Variants in ADAMTSL1 observed in about 807,000 individuals in gnomAD.
ADAMTSL1 encodes ADAMTS-like protein 1.
A neutral mutation model predicts 201.8 loss-of-function variants in ADAMTSL1; 126 were observed. The observed-to-expected ratio is 0.62, with a 90% CI of 0.54 to 0.72. The LOEUF is 0.72. Among genes scored for constraint, ADAMTSL1 ranks in the 30% least tolerant of loss-of-function variants. ADAMTSL1 has a pLI of 0.00. For synonymous variants in ADAMTSL1, 1,121 were observed against 903.4 expected (o/e 1.24, Z -4.32); for missense variants, 2,679 against 2,277.8 (o/e 1.18, Z -3.59).
chr9:18,384,022 C>A lies in ADAMTSL1; in HGVS notation c.208-120807C>A, dbSNP rs144039335. Reference sequence around the variant, plus strand: ...TTGTGGACCATATTTTGAGGCTTTACATTACCAAATGCTTAGTACCTGTAT... The same window carrying A: ...TTGTGGACCATATTTTGAGGCTTTAAATTACCAAATGCTTAGTACCTGTAT... On this transcript the variant is annotated intron_variant, in intron 2 of 29. Transcript: ENST00000680146. Among the ~76,000 whole-genome samples the A allele has an allele frequency of 7.2e-5, 11 of 152,242 alleles. No homozygotes were observed. The East Asian group carries it at 9.6e-4, about 13-fold the overall frequency.
At chr9:18,323,688 A>G (rs1834715645) in intron 2 of ADAMTSL1, among the ~76,000 whole-genome samples, 1 of 152,180 alleles carries the variant, frequency 6.6e-6, no homozygotes, top group African/African-American at 2.4e-5. Flanking sequence ...GTATTTCTGT[A>G]TACTATCAAC....
chr9:18,136,623 T>A (rs184414879), intron 1 of ADAMTSL1, among the ~76,000 whole-genome samples: 1 of 152,056 alleles, frequency 6.6e-6, no homozygotes, highest in East Asian at 1.9e-4. Flanking sequence ...GAGGATAAGA[T>A]TTATGTGGAA....
chr9:18,205,690 C>G (rs1238206391), intron 2 of ADAMTSL1, among the ~76,000 whole-genome samples: 1 of 151,980 alleles, frequency 6.6e-6, no homozygotes, highest in African/African-American at 2.4e-5. Flanking sequence ...TTTCCTGGAG[C>G]AAGAAGATAC....
chr9:18,322,847 C>A (rs780252281), intron 2 of ADAMTSL1, among the ~76,000 whole-genome samples: 3 of 152,084 alleles, frequency 2.0e-5, no homozygotes, highest in Non-Finnish European at 4.4e-5. Flanking sequence ...ATCAATGCAA[C>A]TTTAAAATGT....
intron 2 of ADAMTSL1, among the ~76,000 whole-genome samples, chr9:18,249,134 A>G (rs2132482258): frequency 6.6e-6 from 1 of 152,314 alleles, no homozygotes; most frequent in Admixed American, 6.5e-5. Flanking sequence ...ACTTTCAGAC[A>G]CGAAACAAGG....
chr9:18,690,956 C>A (rs1001139368), intron 13 of ADAMTSL1, among the ~76,000 whole-genome samples: 1 of 152,148 alleles, frequency 6.6e-6, no homozygotes, highest in African/African-American at 2.4e-5. Context: ...TGCTATGTAC[C>A]AGGTGCAGGT....
At chr9:18,001,116 C>T (rs1049704191) in intron 1 of ADAMTSL1, among the ~76,000 whole-genome samples, 2 of 151,738 alleles carry the variant, frequency 1.3e-5, no homozygotes, top group East Asian at 1.9e-4. Flanking sequence ...CACTGTAGCT[C>T]ATAATATGTC....
chr9:18,131,561 A>G (rs1047964711), intron 1 of ADAMTSL1, among the ~76,000 whole-genome samples: 2 of 152,194 alleles, frequency 1.3e-5, no homozygotes, highest in African/African-American at 4.8e-5. Context: ...TGAGCTTCCA[A>G]GATTACTCTC....
At chr9:18,848,423 T>C (rs922841205) in intron 23 of ADAMTSL1, among the ~76,000 whole-genome samples, 3 of 152,256 alleles carry the variant, frequency 2.0e-5, no homozygotes, top group African/African-American at 7.2e-5. Flanking sequence ...GGTTCTTTGC[T>C]ATTCAGACCT....
At chr9:18,437,164 C>T (rs1046617513) in intron 2 of ADAMTSL1, among the ~76,000 whole-genome samples, 2 of 151,898 alleles carry the variant, frequency 1.3e-5, no homozygotes, top group African/African-American at 4.8e-5. Context: ...TCACTATCTC[C>T]ACTCCAACCC....
chr9:18,634,242 G>T (rs1308374955), intron 5 of ADAMTSL1, among the ~76,000 whole-genome samples: 1 of 151,986 alleles, frequency 6.6e-6, no homozygotes, highest in African/African-American at 2.4e-5. Context: ...CCAATGATAG[G>T]ATAATTATGT....
At chr9:18,176,201 A>G (rs893420737) in intron 2 of ADAMTSL1, among the ~76,000 whole-genome samples, 2 of 152,038 alleles carry the variant, frequency 1.3e-5, no homozygotes, top group East Asian at 3.9e-4. Context: ...TTATCATTTT[A>G]TACATATAGA....
chr9:18,773,733 C>T (rs551448019), intron 17 of ADAMTSL1, among the ~76,000 whole-genome samples: 1 of 152,340 alleles, frequency 6.6e-6, no homozygotes, highest in South Asian at 2.1e-4. Context: ...AAGAGCTAGA[C>T]TTGACCAAAG....
chr9:18,404,379 C>G (rs1486585084), intron 2 of ADAMTSL1, among the ~76,000 whole-genome samples: 7 of 152,156 alleles, frequency 4.6e-5, no homozygotes, highest in Admixed American at 2.0e-4. Context: ...ATATTTGAAT[C>G]TAAAAAGCCT....
intron 2 of ADAMTSL1, among the ~76,000 whole-genome samples, chr9:18,295,344 A>T (rs59566183): frequency 0.069 from 9,919 of 144,356 alleles, 1,073 homozygotes; most frequent in African/African-American, 0.23. Flanking sequence ...ACCGTTATTC[A>T]TTTTTTTTTT....
chr9:18,140,748 G>A (rs1331306922), intron 1 of ADAMTSL1, among the ~76,000 whole-genome samples: 1 of 152,176 alleles, frequency 6.6e-6, no homozygotes, highest in African/African-American at 2.4e-5. Flanking sequence ...CCAACCTAGT[G>A]AGCAGGCCTT....
intron 2 of ADAMTSL1, among the ~76,000 whole-genome samples, chr9:18,388,553 C>T (rs1403255182): frequency 6.6e-6 from 1 of 151,742 alleles, no homozygotes; most frequent in East Asian, 1.9e-4. Context: ...GGATTACAGG[C>T]CTGAGCCACC....
At chr9:17,932,960 C>T (rs1043456879) in intron 1 of ADAMTSL1, among the ~76,000 whole-genome samples, 1 of 152,110 alleles carries the variant, frequency 6.6e-6, no homozygotes, top group Non-Finnish European at 1.5e-5. Flanking sequence ...TGATCCATCA[C>T]TTATGTCAGA....
At chr9:17,932,652 A>G (rs1044598648) in intron 1 of ADAMTSL1, among the ~76,000 whole-genome samples, 3 of 152,136 alleles carry the variant, frequency 2.0e-5, no homozygotes, top group African/African-American at 7.2e-5. Flanking sequence ...TATCTCATTC[A>G]TTTCTAAATC....
Sources: gnomAD v4.1 joint callset for allele counts (sites outside exome capture counted in the v4.1 genomes callset) on GRCh38, gnomAD v4.1.1 for gene constraint, MANE v1.5 for transcripts, NCBI Gene and HGNC (gene_info 2026-07-23, HGNC 2026-07-21) for gene names.